The following IGDCC3 variants were observed in gnomAD, a reference collection of about 807,000 sequenced individuals.
IGDCC3 encodes the protein immunoglobulin superfamily DCC subclass member 3.
IGDCC3 carries 47 observed loss-of-function variants against 72.0 expected under a neutral mutation model. The observed-to-expected ratio is 0.65, with a 90% CI of 0.52 to 0.83. The LOEUF is 0.83. Among genes scored for constraint, IGDCC3 ranks in the 40% least tolerant of loss-of-function variants. The pLI, the probability that IGDCC3 is intolerant of heterozygous loss-of-function variation, is 0.00. For missense variants in IGDCC3, 1,038 were observed against 1,091.3 expected (o/e 0.95, Z 0.69); for synonymous variants, 477 against 472.8 (o/e 1.01, Z -0.11).
intron 2 of IGDCC3, among the ~76,000 whole-genome samples, chr15:65,358,142 G>C (rs1002130061): frequency 6.9e-6 from 1 of 145,356 alleles, no homozygotes; most frequent in African/African-American, 2.6e-5. Context: ...GTCTCACTTT[G>C]TCACCCAGGC....
intron 1 of IGDCC3, among the ~76,000 whole-genome samples, chr15:65,376,550 G>C (rs2091359854): frequency 6.6e-6 from 1 of 152,244 alleles, no homozygotes; most frequent in Non-Finnish European, 1.5e-5. Flanking sequence ...GGGGAAATGG[G>C]TGGGGAGAAA....
chr15:65,335,451 C>G lies in IGDCC3; in HGVS notation c.555-30G>C, dbSNP rs377600466. ...TGAGGGGAGGGACATAGTTGGCCAC[C>G]AGCACAGCCATTGACATAATCAGCC... is the stretch of plus-strand genomic sequence containing the variant. On this transcript the variant is annotated intron_variant, in intron 3 of 13. Transcript: ENST00000327987. 31 of 1,588,954 alleles carry G rather than the reference C, an allele frequency of 2.0e-5. No individual in the cohort carries two copies. The African/African-American group carries it at 3.0e-4, about 15-fold the overall frequency.
chr15:65,360,275 GA>G (rs1388568165), intron 2 of IGDCC3, among the ~76,000 whole-genome samples: 1 of 152,196 alleles, frequency 6.6e-6, no homozygotes, highest in Non-Finnish European at 1.5e-5. Context: ...TAATGATCCT[GA>G]TTTTGTTATG....
intron 10 of IGDCC3, 73 bp downstream of exon 10, chr15:65,330,477 C>T: frequency 6.4e-7 from 1 of 1,569,966 alleles, no homozygotes; most frequent in Non-Finnish European, 8.7e-7. Flanking sequence ...GAGGTGACCC[C>T]TGTACGCCAC....
rs138571364 is a variant in IGDCC3, at chr15:65,346,246, A to T, written c.410-10290T>A. On this transcript the variant is annotated intron_variant, in intron 2 of 13. Coordinates refer to ENST00000327987, the MANE Select transcript of IGDCC3 (RefSeq NM_004884.4). ...TAATACAGGCAAATAAACAACCAAG[A>T]TGGCTCTTCCTTGAGTACTTCCAAC... Among the ~76,000 whole-genome samples the T allele has an allele frequency of 5.4e-3, 824 of 152,176 alleles. 4 individuals are homozygous for T. Among genetic ancestry groups the T allele is most frequent in the Non-Finnish European group, 9.2e-3 (623 of 68,036 alleles).
intron 2 of IGDCC3, among the ~76,000 whole-genome samples, chr15:65,347,766 A>T (rs778633972): frequency 2.0e-5 from 3 of 152,254 alleles, no homozygotes; most frequent in Non-Finnish European, 4.4e-5. Context: ...CCCTGTCCTT[A>T]CTAAAAATAT....
chr15:65,335,755 G>T (rs955180448), intron 3 of IGDCC3, 57 bp downstream of exon 3: 8 of 1,599,234 alleles, frequency 5.0e-6, no homozygotes, highest in Non-Finnish European at 6.9e-6. Flanking sequence ...CTTCTCTACG[G>T]CCAGAGTCAC....
At chr15:65,362,667 T>C (rs1433951808) in intron 2 of IGDCC3, among the ~76,000 whole-genome samples, 1 of 152,026 alleles carries the variant, frequency 6.6e-6, no homozygotes. Context: ...CCCTCCCATT[T>C]TCCACAAAGA....
chr15:65,351,927 T>C (rs2140156446), intron 2 of IGDCC3, among the ~76,000 whole-genome samples: 1 of 152,348 alleles, frequency 6.6e-6, no homozygotes, highest in Admixed American at 6.5e-5. Context: ...ACAATTGTTG[T>C]CTTGTTTTAA....
chr15:65,370,506 CAAA>C (rs201261288), intron 2 of IGDCC3, among the ~76,000 whole-genome samples: 2 of 33,096 alleles, frequency 6.0e-5, no homozygotes, highest in African/African-American at 1.6e-4. Context: ...GACTTGGTCT[CAAA>C]AAAAAAATAT....
chr15:65,368,829 C>T (rs2091305423), intron 2 of IGDCC3, among the ~76,000 whole-genome samples: 1 of 151,916 alleles, frequency 6.6e-6, no homozygotes, highest in Non-Finnish European at 1.5e-5. Flanking sequence ...TTCCTTTGAG[C>T]TGTGCTATCA....
chr15:65,372,388 T>C (rs1482823978), intron 2 of IGDCC3, among the ~76,000 whole-genome samples: 2 of 152,150 alleles, frequency 1.3e-5, no homozygotes, highest in Non-Finnish European at 2.9e-5. Flanking sequence ...TGAATACTCT[T>C]AGGAGCCTGA....
chr15:65,363,900 C>T (rs1453238027), intron 2 of IGDCC3, among the ~76,000 whole-genome samples: 1 of 152,210 alleles, frequency 6.6e-6, no homozygotes, highest in African/African-American at 2.4e-5. Context: ...CTCCCAGCTT[C>T]CTCTTCACTC....
chr15:65,340,145 G>GA (rs1321627073), intron 2 of IGDCC3, among the ~76,000 whole-genome samples: 85 of 152,238 alleles, frequency 5.6e-4, no homozygotes, highest in African/African-American at 1.9e-3. Flanking sequence ...ACAGTTCCTG[G>GA]ACACCTCTAT....
intron 2 of IGDCC3, among the ~76,000 whole-genome samples, chr15:65,372,798 G>A (rs865994203): frequency 2.0e-5 from 3 of 152,226 alleles, no homozygotes; most frequent in Admixed American, 6.5e-5. Context: ...TTATTACGAA[G>A]GAGGAAACCC....
At chr15:65,365,113 G>A (rs1260018097) in intron 2 of IGDCC3, among the ~76,000 whole-genome samples, 1 of 152,192 alleles carries the variant, frequency 6.6e-6, no homozygotes, top group East Asian at 1.9e-4. Context: ...TCTGTAAAAT[G>A]AGAAAGCTGG....
chr15:65,355,660 G>GC (rs935227692), intron 2 of IGDCC3: 184 of 120,016 alleles, frequency 1.5e-3, no homozygotes, highest in African/African-American at 9.4e-3. Context: ...CGGGCGTCCC[G>GC]CCCCCCCGCC....
rs1488932043 is a variant in IGDCC3, at chr15:65,329,861, A to C, written c.1862T>G (p.Leu621Trp). The C allele has an allele frequency of 6.2e-7, 1 of 1,613,930 alleles. No individual in the cohort carries two copies. The highest frequency in any genetic ancestry group is 1.3e-5 in the African/African-American group (1 of 74,998). The part of the protein sequence containing the change: ...SLRGASERTA[L>W]SPPCDCRKEE... ...CTTCCGGCAGTCACATGGTGGGCTC[A>C]AGGCTGGGGACAGGGACGGGTTGGA... Residue 621 changes from leucine to tryptophan, a missense_variant, in exon 12 of 14, where the codon TTG becomes TGG. By Grantham distance (61) the Leu-to-Trp change is moderately conservative. Coordinates refer to ENST00000327987, the MANE Select transcript of IGDCC3 (RefSeq NM_004884.4). This position sits in a 1 kb window ranked among gnomAD's most constrained non-coding sequence, Gnocchi z 4.1.
intron 2 of IGDCC3, among the ~76,000 whole-genome samples, chr15:65,347,498 A>G (rs2091134088): frequency 6.6e-6 from 1 of 152,250 alleles, no homozygotes; most frequent in South Asian, 2.1e-4. Flanking sequence ...TGTGAACCAG[A>G]GAAACTCCAT....
Sources: gnomAD v4.1 joint callset for allele counts (sites outside exome capture counted in the v4.1 genomes callset) on GRCh38, gnomAD v4.1.1 for gene constraint, Gnocchi (gnomAD v3.1) non-coding constraint, MANE v1.5 for transcripts, NCBI Gene and HGNC (gene_info 2026-07-23, HGNC 2026-07-21) for gene names.